Variants in MGST2 observed in about 807,000 individuals in gnomAD.
MGST2 encodes microsomal glutathione S-transferase 2, also known as glutathione peroxidase MGST2.
Under a neutral mutation model 16.6 loss-of-function variants are expected in MGST2, and 9 were observed. The ratio of observed to expected loss-of-function variants is 0.54; its 90% CI spans 0.33 to 0.95. The LOEUF is 0.95. Ranked by LOEUF, MGST2 falls within the 40% of genes least tolerant of loss-of-function variation. MGST2 has a pLI of 0.03. For missense variants in MGST2, 159 were observed against 175.1 expected, an observed-to-expected ratio of 0.91 and a Z score of 0.52; for synonymous variants, 79 against 68.0, an observed-to-expected ratio of 1.16 and a Z score of -0.79.
intron 2 of MGST2, among the ~76,000 whole-genome samples, chr4:139,690,217 C>T (rs1191908623): frequency 6.6e-6 from 1 of 152,186 alleles, no homozygotes; most frequent in Non-Finnish European, 1.5e-5. Flanking sequence ...GTCTTGAACT[C>T]CTGACCTCAA....
chr4:139,679,341 A>C (rs1731125160), intron 2 of MGST2, among the ~76,000 whole-genome samples: 1 of 152,192 alleles, frequency 6.6e-6, no homozygotes, highest in African/African-American at 2.4e-5. Context: ...TTATGTTTAC[A>C]AGTGAGATTG....
chr4:139,691,890 C>T (rs1266747293), intron 2 of MGST2, among the ~76,000 whole-genome samples: 19 of 152,128 alleles, frequency 1.2e-4, no homozygotes, highest in African/African-American at 3.4e-4. Flanking sequence ...TAAGTAGAGA[C>T]GGGGTTTCAC....
At chr4:139,730,560 G>T in intron 5 of MGST2, 1 of 1,592,196 alleles carries the variant, frequency 6.3e-7, no homozygotes, top group East Asian at 2.3e-5. Flanking sequence ...GGCTGCCCAG[G>T]AAGCCGGGGC....
intron 2 of MGST2, 74 bp downstream of exon 2, chr4:139,678,716 G>C (rs1731089011): frequency 8.6e-7 from 1 of 1,168,342 alleles, no homozygotes; most frequent in East Asian, 2.4e-5. Flanking sequence ...AGGGGAAAGG[G>C]ATATGGAGAA....
intron 5 of MGST2, chr4:139,719,468 T>A (rs1288040002): frequency 1.2e-6 from 2 of 1,613,968 alleles, no homozygotes; most frequent in Middle Eastern, 1.6e-4. Context: ...GTATGACACG[T>A]CCTGAGGGGC....
chr4:139,739,179 A>G (rs753868849), intron 5 of MGST2, among the ~76,000 whole-genome samples: 7 of 152,226 alleles, frequency 4.6e-5, no homozygotes, highest in Non-Finnish European at 1.0e-4. Flanking sequence ...TGGAGATGAC[A>G]AAATGATGGC....
At chr4:139,753,440 A>G in the MGST2 span, among the ~76,000 whole-genome samples, 18 of 152,012 alleles carry the variant, frequency 1.2e-4, no homozygotes, top group Non-Finnish European at 5.9e-5. Flanking sequence ...CAAATTTGGA[A>G]AGGAATGTGA....
At chr4:139,702,844 G>GTT (rs70943436) in intron 3 of MGST2, among the ~76,000 whole-genome samples, 2,033 of 46,406 alleles carry the variant, frequency 0.044, 296 homozygotes, top group Middle Eastern at 0.12. Flanking sequence ...TGTGTTACTG[G>GTT]TTTTTTTTTT....
At chr4:139,690,947 A>G (rs1367994330) in intron 2 of MGST2, among the ~76,000 whole-genome samples, 4 of 152,038 alleles carry the variant, frequency 2.6e-5, no homozygotes, top group African/African-American at 7.2e-5. Flanking sequence ...TAACTACTCA[A>G]TCTCCACAGT....
intron 2 of MGST2, among the ~76,000 whole-genome samples, chr4:139,686,353 T>G (rs946209688): frequency 6.6e-6 from 1 of 152,186 alleles, no homozygotes; most frequent in Non-Finnish European, 1.5e-5. Context: ...GAATAGTTTG[T>G]AAAACGTTTC....
chr4:139,704,435 C>T (rs1241544672), downstream of MGST2, among the ~76,000 whole-genome samples: 8 of 151,988 alleles, frequency 5.3e-5, no homozygotes, highest in East Asian at 1.9e-4. Context: ...CTGGCCGTTC[C>T]GAGGACTACT....
chr4:139,680,592 T>A (rs1270347927), intron 2 of MGST2, among the ~76,000 whole-genome samples: 1 of 149,966 alleles, frequency 6.7e-6, no homozygotes. Context: ...TTCCTGGACC[T>A]CCTGTTTTCC....
the MGST2 span, among the ~76,000 whole-genome samples, chr4:139,751,721 G>A: frequency 6.6e-6 from 1 of 152,184 alleles, no homozygotes; most frequent in Non-Finnish European, 1.5e-5. Context: ...CCAGTGGGTA[G>A]ACCTTGTGCC....
Position 139,685,725 on chromosome 4 carries a change from G to T in MGST2, c.158+7083G>T, listed in dbSNP as rs552075928. ...GTCGCCCATACTGGAGTGCAATGGC[G>T]CAATCTTGGCTCACTGCAACCTCCC... On this transcript the variant is annotated intron_variant, in intron 2 of 4. Transcript: ENST00000265498. 4.9e-4 allele frequency among the ~76,000 whole-genome samples: 74 copies of T among 152,264 alleles called. 3 individuals are homozygous for T. In the South Asian group the frequency reaches 0.015, roughly 32 times the overall value.
chr4:139,732,136 T>A (rs971503225), intron 5 of MGST2, among the ~76,000 whole-genome samples: 141 of 152,390 alleles, frequency 9.3e-4, no homozygotes, highest in Non-Finnish European at 2.5e-4. Context: ...CTCTGTCATT[T>A]AAAAATTTTT....
chr4:139,665,886 A>G lies in MGST2; in HGVS notation c.-134A>G. 1.2e-6 allele frequency: 1 copy of G among 855,868 alleles called. No homozygotes were observed. Among genetic ancestry groups the G allele is most frequent in the South Asian group, 1.4e-5 (1 of 70,094 alleles). 53.0% of individuals were successfully genotyped at this position (855,868 alleles called of 1,614,324 possible). On this transcript the variant is annotated 5_prime_UTR_variant, in exon 1 of 5. Transcript: ENST00000265498. ...TGACTTCTGTTCCAGAGCAAAGGTC[A>G]TTCAGCCGCTTGAATCAGCCTTTTC...
At chr4:139,683,193 G>A (rs1442624347) in intron 2 of MGST2, among the ~76,000 whole-genome samples, 3 of 152,234 alleles carry the variant, frequency 2.0e-5, no homozygotes, top group Non-Finnish European at 2.9e-5. Context: ...ACCCTTGGCT[G>A]TCTCCTGTCT....
At chr4:139,674,215 G>T (rs1243773515) in intron 1 of MGST2, among the ~76,000 whole-genome samples, 1 of 152,214 alleles carries the variant, frequency 6.6e-6, no homozygotes, top group Non-Finnish European at 1.5e-5. Flanking sequence ...ATTTTAGGGA[G>T]ACATGAGACA....
chr4:139,733,575 A>C (rs1391895550), intron 5 of MGST2, among the ~76,000 whole-genome samples: 8 of 139,304 alleles, frequency 5.7e-5, no homozygotes, highest in African/African-American at 1.9e-4. Flanking sequence ...AAAAAAAAAA[A>C]CCCTCCCAAA....
Sources: allele counts gnomAD v4.1 joint callset (sites outside exome capture counted in the v4.1 genomes callset), GRCh38; gene constraint gnomAD v4.1.1; transcripts MANE v1.5; gene names NCBI Gene and HGNC (gene_info 2026-07-23, HGNC 2026-07-21).